PDIA2: variants seen among roughly 807,000 people sequenced by gnomAD.
The protein encoded by PDIA2 is protein disulfide isomerase family A member 2, also known as protein disulfide-isomerase A2.
PDIA2 carries 76 observed loss-of-function variants against 51.1 expected under a neutral mutation model. The ratio of observed to expected loss-of-function variants is 1.49; its 90% CI spans 1.24 to 1.80. The LOEUF is 1.80. Ranked by LOEUF, PDIA2 falls within the 40% of genes most tolerant of loss-of-function variation. The probability of loss-of-function intolerance (pLI) is 0.00; values close to 1 mark genes in which losing one functional copy is unlikely to be tolerated. For synonymous variants in PDIA2, 429 were observed against 309.9 expected (o/e 1.38, Z -4.04); for missense variants, 946 against 706.5 (o/e 1.34, Z -3.84).
chr16:285,123 C>G lies in PDIA2; in HGVS notation c.718C>G (p.Leu240Val), dbSNP rs1401987181. The stretch of plus-strand genomic sequence containing the variant: ...GGCAGACTTCCCCGTGGACGAGGAG[C>G]TTGGCCTGGACCTGGGGGATCTGTC... ...GRADFPVDEELGLDLGDLSRF... is the reference protein window; with the variant it reads ...GRADFPVDEEVGLDLGDLSRF... The change falls in exon 5 of 11, where the codon CTT becomes GTT. Residue 240 changes from leucine to valine, a missense_variant. Transcript: ENST00000219406. 1.2e-6 allele frequency: 2 copies of G among 1,612,940 alleles called. No individual in the cohort carries two copies. The highest frequency in any genetic ancestry group is 8.5e-7 in the Non-Finnish European group (1 of 1,179,998).
At chr16:285,240 G>A (rs1265953354) in intron 5 of PDIA2, 40 bp downstream of exon 5, 1 of 1,612,610 alleles carries the variant, frequency 6.2e-7, no homozygotes, top group Non-Finnish European at 8.5e-7. Flanking sequence ...GTGTCCCAGG[G>A]TAGAGTCGTC....
At position 284,172 on chromosome 16, in the gene PDIA2, G is replaced by C. The variant is rs7206090; in HGVS notation, c.200-215G>C. On this transcript the variant is annotated intron_variant, in intron 1 of 10. Transcript: ENST00000219406. ...CGTGAGCCACTGAGCCTGGCTGTGG[G>C]GGGAGGGGGGGTGGTCTTTCAAGCT... The C allele has an allele frequency of 2.6e-3, 1,595 of 604,764 alleles. 21 individuals carry two copies. In the African/African-American group the frequency reaches 0.026, roughly 10 times the overall value. The allele number at this position is 604,764 out of a possible 1,614,324, so 37.5% of individuals were successfully genotyped here.
Position 286,353 on chromosome 16 carries a change from C to A in PDIA2, c.1120C>A (p.Pro374Thr). The part of the protein sequence containing the change: ...CHAVLNGQVK[P>T]YLLSQEIPPD... ...AAGCGCCTGTCCTGGTTTCCCCCAG[C>A]CCTATCTCCTGAGCCAGGAGATACC... Residue 374 changes from proline (P) to threonine (T), a missense_variant and splice_region_variant, in exon 8 of 11, where the codon CCC (proline) becomes ACC (threonine). Pro to Thr is a conservative substitution (Grantham distance 38). Coordinates refer to ENST00000219406, the MANE Select transcript of PDIA2 (RefSeq NM_006849.4). 1 of 1,607,418 alleles carries A rather than the reference C, an allele frequency of 6.2e-7. No homozygotes were observed. The highest frequency in any genetic ancestry group is 8.5e-7 in the Non-Finnish European group (1 of 1,178,330).
In PDIA2 at chr16:285,791, C is replaced by A. The variant is rs890699447; in HGVS notation, c.1119+88C>A. On this transcript the variant is annotated intron_variant, in intron 7 of 10. Coordinates refer to ENST00000219406, the MANE Select transcript of PDIA2 (RefSeq NM_006849.4). ...GGGTGGGAACAGCAGCTCTCAGAGCCCCCTGCCCCTGCAGGCCCCGCAGAG... is the reference window on the plus strand; with the variant it reads ...GGGTGGGAACAGCAGCTCTCAGAGCACCCTGCCCCTGCAGGCCCCGCAGAG... The A allele has an allele frequency of 5.7e-6, 8 of 1,410,238 alleles. No homozygotes were observed. In the East Asian group the frequency reaches 9.9e-5, roughly 18 times the overall value. The allele number at this position is 1,410,238 out of a possible 1,614,324, so 87.4% of individuals were successfully genotyped here.
At chr16:283,866 T>C (rs751863362) in intron 1 of PDIA2, among the ~76,000 whole-genome samples, 2 of 152,162 alleles carry the variant, frequency 1.3e-5, no homozygotes, top group African/African-American at 2.4e-5. Context: ...GAGGGGTCTT[T>C]TTATTTTTAT....
Position 283,214 on chromosome 16 carries a change from G to A in PDIA2, c.45G>A (p.Arg15=). ...CTGTACTGCTGCTGCTGCTGCTCAGGGCTTCGTGCCCATGGGGTCAGGAAC... is the reference window on the plus strand; with the variant it reads ...CTGTACTGCTGCTGCTGCTGCTCAGAGCTTCGTGCCCATGGGGTCAGGAAC... ...LLPVLLLLLL[R]ASCPWGQEQG... The change falls in exon 1 of 11, where the codon AGG becomes AGA. Residue 15 remains arginine, a synonymous_variant. Transcript: ENST00000219406. 6.2e-7 allele frequency: 1 copy of A among 1,606,938 alleles called. No individual in the cohort carries two copies. The highest frequency in any genetic ancestry group is 8.5e-7 in the Non-Finnish European group (1 of 1,177,186).
rs1306756677 is a variant in PDIA2 at position 285,112 on chromosome 16, TG to T, written c.709del (p.Asp237ThrfsTer58). On this transcript the variant is annotated frameshift_variant, in exon 5 of 11. Transcript: ENST00000219406. LOFTEE classifies it high-confidence loss of function. Reference sequence around the variant, plus strand: ...GATGAGGGGCGGGCAGACTTCCCCGTGGACGAGGAGCTTGGCCTGGACCTGG... The same window carrying T: ...GATGAGGGGCGGGCAGACTTCCCCGTGACGAGGAGCTTGGCCTGGACCTGG... ...KFDEGRADFP[V>X]DEELGLDLGD... 6.2e-7 allele frequency: 1 copy of T among 1,612,996 alleles called. No homozygotes were observed. The highest frequency in any genetic ancestry group is 8.5e-7 in the Non-Finnish European group (1 of 1,179,986).
At position 284,532 on chromosome 16, in the gene PDIA2, G is replaced by A. The variant is rs201129086; in HGVS notation, c.345G>A (p.Thr115=). ...QRELAEEFGV[T]EYPTLKFFRN... ...AGCTGGCTGAGGAGTTTGGTGTGAC[G>A]GAGTACCCTACGCTCAAGTTCTTCC... is the stretch of plus-strand genomic sequence containing the variant. Residue 115 remains threonine, a synonymous_variant, in exon 2 of 11, where the codon ACG becomes ACA. Transcript: ENST00000219406. 113 of 1,612,614 alleles carry A rather than the reference G, an allele frequency of 7.0e-5. No homozygotes were observed. Among genetic ancestry groups the A allele is most frequent in the East Asian group, 1.1e-4 (5 of 44,860 alleles).
rs372717662 is a variant in PDIA2, at chr16:283,220, G to T, written c.51G>T (p.Ser17=). The part of the protein sequence containing the change: ...PVLLLLLLRA[S]CPWGQEQGAR... ...TGCTGCTGCTGCTGCTCAGGGCTTC[G>T]TGCCCATGGGGTCAGGAACAGGGAG... The change falls in exon 1 of 11, where the codon TCG becomes TCT. Residue 17 remains serine, a synonymous_variant. Coordinates refer to ENST00000219406, the MANE Select transcript of PDIA2 (RefSeq NM_006849.4). 1.9e-5 allele frequency: 30 copies of T among 1,607,748 alleles called. No individual in the cohort carries two copies. Among genetic ancestry groups the T allele is most frequent in the Non-Finnish European group, 2.5e-5 (30 of 1,177,652 alleles).
intron 5 of PDIA2, 49 bp from the exon 6 acceptor site, chr16:285,263 T>A: frequency 8.1e-6 from 13 of 1,610,656 alleles, no homozygotes; most frequent in Non-Finnish European, 1.1e-5. Flanking sequence ...GGGATGGGGG[T>A]GCCTAGGCTG....
In PDIA2 at chr16:284,236, G is replaced by A. The variant is rs898193848; in HGVS notation, c.200-151G>A. On this transcript the variant is annotated intron_variant, in intron 1 of 10. Transcript: ENST00000219406. Reference sequence around the variant, plus strand: ...CTGGTCCCTGTGCTGCAGCCTGGGGGGCCACGAAGAGGCACTGGTGCTCGG... The same window carrying A: ...CTGGTCCCTGTGCTGCAGCCTGGGGAGCCACGAAGAGGCACTGGTGCTCGG... 14 of 752,656 alleles carry A rather than the reference G, an allele frequency of 1.9e-5. No homozygotes were observed. The Admixed American group carries it at 2.6e-4, about 14-fold the overall frequency. 46.6% of individuals were successfully genotyped at this position (752,656 alleles called of 1,614,324 possible).
In PDIA2 at chr16:286,892, G is replaced by T. The variant is rs200635785; in HGVS notation, c.1480G>T (p.Gly494Trp). ...LETFSKFLDN[G>W]GVLPTEEPPE... ...GACTTTCTCCAAGTTCCTGGACAAC[G>T]GGGGCGTGCTGCCCACGGAGGAGCC... Residue 494 changes from glycine (G) to tryptophan (W), a missense_variant, in exon 10 of 11, where the codon GGG becomes TGG. Transcript: ENST00000219406. 1.9e-6 allele frequency: 3 copies of T among 1,603,516 alleles called. No homozygotes were observed. Among genetic ancestry groups the T allele is most frequent in the Non-Finnish European group, 2.5e-6 (3 of 1,176,654 alleles).
Position 283,313 on chromosome 16 carries a change from C to T in PDIA2, c.144C>T (p.Ser48=), listed in dbSNP as rs1235266052. 2 of 1,609,728 alleles carry T rather than the reference C, an allele frequency of 1.2e-6. No individual in the cohort carries two copies. The highest frequency in any genetic ancestry group is 1.7e-5 in the Admixed American group (1 of 59,604). ...IPKEDGILVL[S]RHTLGLALRE... The stretch of plus-strand genomic sequence containing the variant: ...AGGAGGATGGGATCTTGGTGCTGAG[C>T]CGCCACACCCTGGGCCTGGCCCTGC... Residue 48 remains serine (S), a synonymous_variant, in exon 1 of 11, where the codon AGC becomes AGT. Coordinates refer to ENST00000219406, the MANE Select transcript of PDIA2 (RefSeq NM_006849.4).
chr16:284,389 G>A lies in PDIA2; in HGVS notation c.202G>A (p.Ala68Thr). 1 of 1,553,720 alleles carries A rather than the reference G, an allele frequency of 6.4e-7. No homozygotes were observed. ...EHPALLVEFYAPWCGHCQALA... is the reference protein window; with the variant it reads ...EHPALLVEFYTPWCGHCQALA... ...GCACTCACGGCCCCATCCCCCAGAT[G>A]CCCCGTGGTGTGGGCACTGCCAGGC... Residue 68 changes from alanine (A) to threonine (T), a missense_variant and splice_region_variant, in exon 2 of 11, where the codon GCC becomes ACC. Coordinates refer to ENST00000219406, the MANE Select transcript of PDIA2 (RefSeq NM_006849.4).
chr16:286,515 G>A (rs372281881), intron 8 of PDIA2, 39 bp from the exon 9 acceptor site: 3 of 1,612,684 alleles, frequency 1.9e-6, no homozygotes, highest in Non-Finnish European at 2.5e-6. Flanking sequence ...GCTGGGCAGG[G>A]GCTGCCCAGA....
rs867142437 is a variant in PDIA2 at position 285,871 on chromosome 16, G to C, written c.1119+168G>C. ...CCGGCGGTTCTCCCAACCCCAACCC[G>C]GCGGTTCTCCCAACCCCAAACCCGC... On this transcript the variant is annotated intron_variant, in intron 7 of 10. Coordinates refer to ENST00000219406, the MANE Select transcript of PDIA2 (RefSeq NM_006849.4). Among the ~76,000 whole-genome samples the C allele has an allele frequency of 6.7e-3, 297 of 44,212 alleles. 3 individuals are homozygous for C. Among genetic ancestry groups the C allele is most frequent in the East Asian group, 0.04 (84 of 2,116 alleles). The allele number at this position is 44,212 out of a possible 152,430, so 29.0% of individuals were successfully genotyped here.
chr16:284,478 G>A lies in PDIA2; in HGVS notation c.291G>A (p.Leu97=), dbSNP rs909640522. ...VLAAESMVVT[L]AKVDGPAQRE... ...CGGCCGAGTCAATGGTGGTCACGCTGGCCAAGGTGGATGGGCCCGCGCAGC... is the reference window on the plus strand; with the variant it reads ...CGGCCGAGTCAATGGTGGTCACGCTAGCCAAGGTGGATGGGCCCGCGCAGC... Residue 97 remains leucine, a synonymous_variant, in exon 2 of 11, where the codon CTG becomes CTA. Transcript: ENST00000219406. 6.2e-7 allele frequency: 1 copy of A among 1,607,772 alleles called. No individual in the cohort carries two copies. Among genetic ancestry groups the A allele is most frequent in the Non-Finnish European group, 8.5e-7 (1 of 1,177,970 alleles).
At position 285,174 on chromosome 16, in the gene PDIA2, C is replaced by A. The variant is rs761537026; in HGVS notation, c.769C>A (p.Arg257Ser). The A allele has an allele frequency of 6.2e-7, 1 of 1,612,818 alleles. No individual in the cohort carries two copies. The highest frequency in any genetic ancestry group is 1.7e-5 in the Admixed American group (1 of 60,002). ...GCGCTTCCTGGTCACACACAGCATGCGCCTGGTCACGGAGTTCAACAGCCA... is the reference window on the plus strand; with the variant it reads ...GCGCTTCCTGGTCACACACAGCATGAGCCTGGTCACGGAGTTCAACAGCCA... ...LSRFLVTHSM[R>S]LVTEFNSQTS... The change falls in exon 5 of 11, where the codon CGC (arginine) becomes AGC (serine). Residue 257 changes from arginine to serine, a missense_variant. Physicochemically the swap from Arg to Ser is moderately radical, Grantham distance 110. Coordinates refer to ENST00000219406, the MANE Select transcript of PDIA2 (RefSeq NM_006849.4).
chr16:285,732 G>A (rs375738704), intron 7 of PDIA2, 29 bp downstream of exon 7: 2 of 1,603,058 alleles, frequency 1.2e-6, no homozygotes, highest in Non-Finnish European at 1.7e-6. Context: ...ATAATGGAAG[G>A]GGAACCCTGA....
Sources: allele counts gnomAD v4.1 joint callset (sites outside exome capture counted in the v4.1 genomes callset), GRCh38; gene constraint gnomAD v4.1.1; transcripts MANE v1.5; gene names NCBI Gene and HGNC (gene_info 2026-07-23, HGNC 2026-07-21).